ANKRD31: variants seen among roughly 807,000 people sequenced by gnomAD.
ANKRD31 encodes the protein ankyrin repeat domain 31.
ANKRD31 carries 147 observed loss-of-function variants against 186.0 expected under a neutral mutation model. That is an observed-to-expected ratio of 0.79 (90% CI 0.69 to 0.91). ANKRD31 has a LOEUF of 0.91. ANKRD31 is among the 40% of genes least tolerant of loss of function. The pLI, the probability that ANKRD31 is intolerant of heterozygous loss-of-function variation, is 0.00. For missense variants in ANKRD31, 1,986 were observed against 2,148.8 expected (o/e 0.92, Z 1.50); for synonymous variants, 673 against 736.4 (o/e 0.91, Z 1.39).
intron 21 of ANKRD31, among the ~76,000 whole-genome samples, chr5:75,106,932 T>C (rs1747371479): frequency 1.3e-5 from 2 of 151,854 alleles, no homozygotes; most frequent in South Asian, 4.2e-4. Flanking sequence ...AAGGACATGT[T>C]TAGAAAACTG....
intron 22 of ANKRD31, among the ~76,000 whole-genome samples, chr5:75,103,500 C>T (rs141064318): frequency 6.6e-6 from 1 of 152,136 alleles, no homozygotes; most frequent in Non-Finnish European, 1.5e-5. Context: ...AATTACTGGG[C>T]ATATACCCAA....
Position 75,139,018 on chromosome 5 carries a change from C to T in ANKRD31, c.3596-35G>A, listed in dbSNP as rs1309046093. 18 of 1,532,130 alleles carry T rather than the reference C, an allele frequency of 1.2e-5. No individual in the cohort carries two copies. The Admixed American group carries it at 3.6e-4, about 30-fold the overall frequency. The allele number at this position is 1,532,130 out of a possible 1,614,324, so 94.9% of individuals were successfully genotyped here. A position where few individuals can be genotyped will look rare whatever the true frequency, so the allele number is the denominator to read the frequency against. ...TGCCAAACAAGAGGTTTATTTTCTG[C>T]CAAATGCTGATTGTTATAAAGGATC... On this transcript the variant is annotated intron_variant, in intron 15 of 25. Transcript: ENST00000506364.
At chr5:75,202,373 C>A (rs1755877520) in intron 5 of ANKRD31, among the ~76,000 whole-genome samples, 1 of 152,182 alleles carries the variant, frequency 6.6e-6, no homozygotes, top group African/African-American at 2.4e-5. Context: ...TTTCTAACTA[C>A]AAATTTTACT....
chr5:75,133,021 A>G (rs1314127737), intron 17 of ANKRD31, among the ~76,000 whole-genome samples: 2 of 152,204 alleles, frequency 1.3e-5, no homozygotes, highest in East Asian at 1.9e-4. Context: ...AGCACTAAAC[A>G]TGCAAAGGAA....
At chr5:75,173,443 G>C (rs2150198490) in intron 10 of ANKRD31, among the ~76,000 whole-genome samples, 1 of 152,254 alleles carries the variant, frequency 6.6e-6, no homozygotes, top group Admixed American at 6.5e-5. Flanking sequence ...AGGTCAAATT[G>C]TCCCTGTTGC....
chr5:75,227,746 C>A lies in ANKRD31; in HGVS notation c.178+2816G>T, dbSNP rs115382226. On this transcript the variant is annotated intron_variant, in intron 2 of 25. Transcript: ENST00000506364. ...GCAGAGGTCCCCAATCCCTGGACCA[C>A]GGACCAGTACCCATCCGTGGCCTGT... Among the ~76,000 whole-genome samples the A allele has an allele frequency of 3.3e-3, 498 of 152,234 alleles. 4 individuals carry two copies. Among genetic ancestry groups the A allele is most frequent in the African/African-American group, 0.012 (485 of 41,530 alleles).
At chr5:75,172,578 C>T (rs908469570) in intron 10 of ANKRD31, among the ~76,000 whole-genome samples, 47 of 152,138 alleles carry the variant, frequency 3.1e-4, no homozygotes, top group Non-Finnish European at 4.9e-4. Flanking sequence ...CCCACAGAAA[C>T]ACAAACTGCC....
At chr5:75,155,542 C>A (rs1334844438) in intron 11 of ANKRD31, among the ~76,000 whole-genome samples, 2 of 151,962 alleles carry the variant, frequency 1.3e-5, no homozygotes, top group Non-Finnish European at 2.9e-5. Flanking sequence ...TCTTCATATT[C>A]CCAGAGACTA....
chr5:75,162,554 G>T (rs777714352), intron 11 of ANKRD31, among the ~76,000 whole-genome samples: 5 of 152,188 alleles, frequency 3.3e-5, no homozygotes, highest in Non-Finnish European at 7.3e-5. Context: ...GACTTTGGTG[G>T]ACTATTGGGA....
At chr5:75,169,999 G>A (rs1247699065) in intron 10 of ANKRD31, among the ~76,000 whole-genome samples, 1 of 152,074 alleles carries the variant, frequency 6.6e-6, no homozygotes, top group Non-Finnish European at 1.5e-5. Flanking sequence ...CAGGGAAGAA[G>A]TTTCTCCTAT....
Position 75,068,451 on chromosome 5 carries a change from A to C in ANKRD31, c.*68T>G. 1 of 1,377,488 alleles carries C rather than the reference A, an allele frequency of 7.3e-7. No homozygotes were observed. Among genetic ancestry groups the C allele is most frequent in the African/African-American group, 1.5e-5 (1 of 67,752 alleles). The allele number at this position is 1,377,488 out of a possible 1,614,324, so 85.3% of individuals were successfully genotyped here. A position where few individuals can be genotyped will look rare whatever the true frequency, so the allele number is the denominator to read the frequency against. ...TTAAAATAGGCCCACCAGATTATAC[A>C]AGATGAAATATAAATGTTTGTTGGT... is the stretch of plus-strand genomic sequence containing the variant. On this transcript the variant is annotated 3_prime_UTR_variant, in exon 26 of 26. Transcript: ENST00000506364.
chr5:75,126,038 C>A (rs1749227243), intron 17 of ANKRD31, among the ~76,000 whole-genome samples: 1 of 152,196 alleles, frequency 6.6e-6, no homozygotes, highest in South Asian at 2.1e-4. Flanking sequence ...CAATGATCTG[C>A]CTCTATTGCT....
Position 75,236,754 on chromosome 5 carries a change from C to A in ANKRD31, c.-68G>T, listed in dbSNP as rs1424567868. The A allele has an allele frequency of 2.9e-5, 35 of 1,209,060 alleles. No homozygotes were observed. The highest frequency in any genetic ancestry group is 3.9e-5 in the Non-Finnish European group (34 of 872,852). The allele number at this position is 1,209,060 out of a possible 1,614,324, so 74.9% of individuals were successfully genotyped here. The stretch of plus-strand genomic sequence containing the variant: ...CCTCTTGCCCGCAAACAAAAAAACG[C>A]TTTGAGGGCCAGGGGAAATTGTGAA... On this transcript the variant is annotated 5_prime_UTR_variant, in exon 1 of 26. Transcript: ENST00000506364.
At chr5:75,119,083 T>C (rs1293530161) in intron 17 of ANKRD31, among the ~76,000 whole-genome samples, 3 of 152,298 alleles carry the variant, frequency 2.0e-5, no homozygotes, top group South Asian at 4.1e-4. Flanking sequence ...GTGTTCTAAA[T>C]AGCAAACTTA....
chr5:75,094,511 T>C (rs1489420653), intron 22 of ANKRD31, among the ~76,000 whole-genome samples: 3 of 152,122 alleles, frequency 2.0e-5, no homozygotes, highest in African/African-American at 7.2e-5. Context: ...CTAGAGCAGC[T>C]ACTGCAAGCA....
chr5:75,087,352 C>T lies in ANKRD31; in HGVS notation c.5473-2978G>A, dbSNP rs576773355. On this transcript the variant is annotated intron_variant, in intron 23 of 25. Coordinates refer to ENST00000506364, the MANE Select transcript of ANKRD31 (RefSeq NM_001372053.1). ...TGAAACCCCGTCTCTACTAAAAATA[C>T]AAAAATTAGCCAGGCATGGTGGTGC... Among the ~76,000 whole-genome samples the T allele has an allele frequency of 1.3e-4, 20 of 151,950 alleles. No individual in the cohort carries two copies. The South Asian group carries it at 3.7e-3, about 28-fold the overall frequency.
intron 12 of ANKRD31, among the ~76,000 whole-genome samples, chr5:75,152,224 T>C (rs1421039896): frequency 6.6e-6 from 1 of 152,096 alleles, no homozygotes; most frequent in Non-Finnish European, 1.5e-5. Context: ...CAGCCTTAAG[T>C]TGATTACTTG....
Position 75,104,820 on chromosome 5 carries a change from C to T in ANKRD31, c.4739G>A (p.Gly1580Asp), listed in dbSNP as rs1003854427. ...SGNDMNSKQN[G>D]SDCTLDGFPK... Reference sequence around the variant, plus strand: ...AAAACCATCCAAGGTACAATCACTGCCATTTTGTTTAGAATTCATATCATT... The same window carrying T: ...AAAACCATCCAAGGTACAATCACTGTCATTTTGTTTAGAATTCATATCATT... Residue 1580 changes from glycine (G) to aspartate (D), a missense_variant, in exon 22 of 26, where the codon GGC (glycine) becomes GAC (aspartate). Coordinates refer to ENST00000506364, the MANE Select transcript of ANKRD31 (RefSeq NM_001372053.1). 8 of 1,537,026 alleles carry T rather than the reference C, an allele frequency of 5.2e-6. No individual in the cohort carries two copies. Among genetic ancestry groups the T allele is most frequent in the Non-Finnish European group, 7.0e-6 (8 of 1,146,884 alleles).
chr5:75,207,597 CATT>C (rs1277202960), intron 4 of ANKRD31, among the ~76,000 whole-genome samples: 3 of 151,928 alleles, frequency 2.0e-5, no homozygotes, highest in African/African-American at 7.2e-5. Context: ...TTTTTAAAAA[CATT>C]ATGACACAAG....
Sources: gnomAD v4.1 joint callset for allele counts (sites outside exome capture counted in the v4.1 genomes callset) on GRCh38, gnomAD v4.1.1 for gene constraint, MANE v1.5 for transcripts, NCBI Gene and HGNC (gene_info 2026-07-23, HGNC 2026-07-21) for gene names.